Variants in BLTP1 observed in about 807,000 individuals in gnomAD.
The protein encoded by BLTP1 is fragile site-associated protein.
the BLTP1 span, chr4:122,251,090 G>T: frequency 5.1e-6 from 5 of 985,282 alleles, no homozygotes; most frequent in Non-Finnish European, 6.0e-6. Flanking sequence ...CCAAATTTTT[G>T]GTTGAAGAAA....
chr4:122,264,476 T>C, the BLTP1 span: 3 of 1,479,520 alleles, frequency 2.0e-6, no homozygotes, highest in Non-Finnish European at 2.7e-6. Flanking sequence ...CCTTAGGCAT[T>C]GCTTAGCAAC....
chr4:122,362,493 A>G, the BLTP1 span: 1 of 281,324 alleles, frequency 3.6e-6, no homozygotes, highest in Non-Finnish European at 6.7e-6. Flanking sequence ...TTATAATTAT[A>G]TAATGTGCAA....
the BLTP1 span, chr4:122,346,474 G>C: frequency 1.5e-6 from 2 of 1,368,204 alleles, no homozygotes; most frequent in Non-Finnish European, 9.5e-7. Context: ...AGAATGTGCT[G>C]TTTTTGTAAT....
the BLTP1 span, chr4:122,292,969 AT>A: frequency 4.7e-6 from 3 of 637,892 alleles, no homozygotes; most frequent in Non-Finnish European, 5.8e-6. Context: ...AAAAAAAAAA[AT>A]CTGATGTTTT....
chr4:122,335,722 G>A, the BLTP1 span, among the ~76,000 whole-genome samples: 1 of 152,088 alleles, frequency 6.6e-6, no homozygotes. Context: ...CTAAGTCTTA[G>A]ATGTTTTACT....
At chr4:122,269,330 C>T in the BLTP1 span, 1 of 820,616 alleles carries the variant, frequency 1.2e-6, no homozygotes, top group Admixed American at 6.3e-5. Flanking sequence ...CTAGTAAAAA[C>T]CATATAATAC....
the BLTP1 span, among the ~76,000 whole-genome samples, chr4:122,342,000 A>G: frequency 3.3e-5 from 5 of 152,226 alleles, no homozygotes; most frequent in African/African-American, 7.2e-5. Context: ...GGAGACTGGC[A>G]TAAGAAAGGT....
chr4:122,283,167 T>G, the BLTP1 span, among the ~76,000 whole-genome samples: 1 of 152,208 alleles, frequency 6.6e-6, no homozygotes, highest in South Asian at 2.1e-4. Context: ...TTGAATGTTT[T>G]GAGTTTTGCT....
At chr4:122,307,926 T>C in the BLTP1 span, 1 of 1,604,862 alleles carries the variant, frequency 6.2e-7, no homozygotes, top group Non-Finnish European at 8.5e-7. Flanking sequence ...ATTTTCTTTC[T>C]GCCCTGTCTT....
the BLTP1 span, chr4:122,269,004 T>A: frequency 8.9e-6 from 4 of 451,422 alleles, no homozygotes; most frequent in South Asian, 1.9e-4. Flanking sequence ...GGAGACTTGT[T>A]ATTTAAGTAA....
the BLTP1 span, chr4:122,154,870 T>C: frequency 8.4e-6 from 6 of 716,270 alleles, no homozygotes; most frequent in South Asian, 1.9e-4. Context: ...AGACTCCATC[T>C]CAAAAAACAA....
the BLTP1 span, chr4:122,224,705 A>G: frequency 1.2e-6 from 2 of 1,613,848 alleles, no homozygotes; most frequent in Non-Finnish European, 1.7e-6. Context: ...CTATCTCCTG[A>G]CTTATTTTCT....
At chr4:122,279,228 G>C in the BLTP1 span, among the ~76,000 whole-genome samples, 1 of 152,102 alleles carries the variant, frequency 6.6e-6, no homozygotes, top group Admixed American at 6.5e-5. Context: ...GTTGTCTATG[G>C]TGTTGGCTGT....
chr4:122,169,037 T>C, the BLTP1 span, among the ~76,000 whole-genome samples: 3 of 152,172 alleles, frequency 2.0e-5, no homozygotes, highest in Admixed American at 6.5e-5. Context: ...AACCTTGAAC[T>C]CCTAGGCTCA....
chr4:122,222,236 G>A, the BLTP1 span, among the ~76,000 whole-genome samples: 5 of 151,930 alleles, frequency 3.3e-5, no homozygotes, highest in South Asian at 2.1e-4. Flanking sequence ...TTCATCTGTC[G>A]TTATACTATC....
At chr4:122,294,354 G>A in the BLTP1 span, among the ~76,000 whole-genome samples, 3 of 152,176 alleles carry the variant, frequency 2.0e-5, no homozygotes, top group Non-Finnish European at 1.5e-5. Flanking sequence ...AGGAGTGTTC[G>A]GTCCAGCATT....
chr4:122,192,630 GA>G, the BLTP1 span, among the ~76,000 whole-genome samples: 1 of 151,972 alleles, frequency 6.6e-6, no homozygotes, highest in African/African-American at 2.4e-5. Context: ...TTAGAATGAG[GA>G]GCATATTTGT....
the BLTP1 span, chr4:122,271,855 C>T: frequency 1.4e-6 from 1 of 722,910 alleles, no homozygotes; most frequent in African/African-American, 1.8e-5. Context: ...TTGTCTATCA[C>T]CAGGGAAATA....
At chr4:122,196,664 C>T in the BLTP1 span, 1 of 1,608,544 alleles carries the variant, frequency 6.2e-7, no homozygotes, top group Non-Finnish European at 8.5e-7. Context: ...TTCTTTCCAC[C>T]TGACTATCAA....
Sources: gnomAD v4.1 joint callset for allele counts (sites outside exome capture counted in the v4.1 genomes callset) on GRCh38, gnomAD v4.1.1 for gene constraint, MANE v1.5 for transcripts, NCBI Gene and HGNC (gene_info 2026-07-23, HGNC 2026-07-21) for gene names.